The following MEF2C variants were observed in gnomAD, a reference collection of about 807,000 sequenced individuals.
The protein encoded by MEF2C is myocyte-specific enhancer factor 2C.
In MEF2C, 6 loss-of-function variants were observed where a neutral mutation model predicts 50.5. The ratio of observed to expected loss-of-function variants is 0.12; its 90% CI spans 0.07 to 0.23. The LOEUF is 0.23. MEF2C is among the 10% of genes least tolerant of loss of function. MEF2C has a pLI of 1.00. For missense variants in MEF2C, 276 were observed against 605.0 expected, an observed-to-expected ratio of 0.46 and a Z score of 5.70; for synonymous variants, 183 against 228.0, an observed-to-expected ratio of 0.80 and a Z score of 1.78.
At chr5:88,816,286 A>G (rs1206997014) in intron 2 of MEF2C, among the ~76,000 whole-genome samples, 1 of 152,046 alleles carries the variant, frequency 6.6e-6, no homozygotes, top group Non-Finnish European at 1.5e-5. Context: ...TGACATAAAT[A>G]TAAAATATCA....
intron 3 of MEF2C, among the ~76,000 whole-genome samples, chr5:88,779,004 C>T (rs992026902): frequency 6.6e-6 from 1 of 152,190 alleles, no homozygotes; most frequent in African/African-American, 2.4e-5. Flanking sequence ...TTTCCCACAG[C>T]CGGGCCAATA....
intron 1 of MEF2C, among the ~76,000 whole-genome samples, chr5:88,900,984 G>A (rs1297359694): frequency 1.3e-5 from 2 of 152,030 alleles, no homozygotes; most frequent in Admixed American, 6.6e-5. Flanking sequence ...TAAAAGAAAT[G>A]TGTGGGCATC....
In MEF2C at chr5:88,725,869, A is replaced by G. The variant is rs951458975; in HGVS notation, c.1100+2624T>C. On this transcript the variant is annotated intron_variant, in intron 10 of 10. Transcript: ENST00000504921. ...AAAGTTGACGTATGGAAATGCTTCC[A>G]GAAAACAGGCTGCCCTTTTTATAGG... 1.6e-4 allele frequency among the ~76,000 whole-genome samples: 25 copies of G among 152,180 alleles called. 4 individuals are homozygous for G. The highest frequency in any genetic ancestry group is 1.3e-3 in the Admixed American group (20 of 15,270).
chr5:88,766,453 A>G (rs1024591799), intron 3 of MEF2C, among the ~76,000 whole-genome samples: 1 of 152,352 alleles, frequency 6.6e-6, no homozygotes, highest in East Asian at 1.9e-4. Flanking sequence ...GTAAAAAGAA[A>G]TAAGTAAATT....
In MEF2C at chr5:88,744,032, T is replaced by C. The variant is rs554878722; in HGVS notation, c.637+5038A>G. 4 of 969,488 alleles carry C rather than the reference T, an allele frequency of 4.1e-6. No individual in the cohort carries two copies. The South Asian group carries it at 1.9e-4, about 46-fold the overall frequency. 60.1% of individuals were successfully genotyped at this position (969,488 alleles called of 1,614,324 possible). On this transcript the variant is annotated intron_variant, in intron 6 of 10. Coordinates refer to ENST00000504921, the MANE Select transcript of MEF2C (RefSeq NM_002397.5). The stretch of plus-strand genomic sequence containing the variant: ...AAAGGTTTTTCATTTCTTTTTTCTC[T>C]TTTTTTGATCTCAACTATGAATCAA...
At chr5:88,836,037 C>T (rs1358197544) in intron 1 of MEF2C, among the ~76,000 whole-genome samples, 1 of 151,962 alleles carries the variant, frequency 6.6e-6, no homozygotes, top group African/African-American at 2.4e-5. Context: ...AGATTTGATT[C>T]TCTATTCCAA....
chr5:88,850,190 G>T (rs1303091323), intron 1 of MEF2C, among the ~76,000 whole-genome samples: 2 of 151,956 alleles, frequency 1.3e-5, no homozygotes, highest in South Asian at 2.1e-4. Context: ...GCAGTGTTTG[G>T]TTTTTTGTCC....
intron 6 of MEF2C, chr5:88,738,773 T>C: frequency 1.0e-6 from 1 of 985,360 alleles, no homozygotes; most frequent in Middle Eastern, 5.2e-4. Flanking sequence ...TGTTGTAAGG[T>C]CAACTTGGGC....
chr5:88,902,069 C>T lies in MEF2C; in HGVS notation c.-240+1847G>A, dbSNP rs1835718729. Among the ~76,000 whole-genome samples the T allele has an allele frequency of 2.0e-5, 3 of 151,772 alleles. No individual in the cohort carries two copies. In the South Asian group the frequency reaches 6.2e-4, roughly 32 times the overall value. The stretch of plus-strand genomic sequence containing the variant: ...TACAATTCTGAAGTTGACATAAGAA[C>T]ACATGTTGTTCAGTTTTGCAGTAAC... On this transcript the variant is annotated intron_variant, in intron 1 of 11. Transcript: ENST00000340208.
chr5:88,862,026 C>A (rs1196763144), intron 1 of MEF2C, among the ~76,000 whole-genome samples: 1 of 152,172 alleles, frequency 6.6e-6, no homozygotes, highest in Non-Finnish European at 1.5e-5. Flanking sequence ...CCCAGTTCTT[C>A]CACCTCCCTC....
intron 1 of MEF2C, among the ~76,000 whole-genome samples, chr5:88,866,185 C>T (rs1049418324): frequency 6.6e-6 from 1 of 152,174 alleles, no homozygotes; most frequent in Admixed American, 6.5e-5. Flanking sequence ...AGTGAGCCAC[C>T]GCGCCCGGCC....
chr5:88,723,473 A>G (rs1323056666), intron 10 of MEF2C, among the ~76,000 whole-genome samples: 3 of 152,278 alleles, frequency 2.0e-5, no homozygotes, highest in Non-Finnish European at 4.4e-5. Flanking sequence ...TTAAATGACT[A>G]GAACTCAAAT....
At chr5:88,737,817 T>G in intron 6 of MEF2C, 1 of 985,418 alleles carries the variant, frequency 1.0e-6, no homozygotes, top group Non-Finnish European at 1.2e-6. Context: ...TCTAAGATTA[T>G]GTTAACTTTA....
At chr5:88,780,670 A>G (rs1787524502) in intron 3 of MEF2C, 2 of 768,420 alleles carry the variant, frequency 2.6e-6, no homozygotes, top group South Asian at 1.2e-4. Flanking sequence ...TGCACAACAT[A>G]TATATTTCAC....
chr5:88,752,189 A>T, intron 4 of MEF2C, 146 bp from the exon 5 acceptor site: 1 of 616,276 alleles, frequency 1.6e-6, no homozygotes, highest in Non-Finnish European at 2.6e-6. Context: ...AGCTCTCAAG[A>T]CGTTCAGATC....
chr5:88,846,217 G>A (rs1341100890), intron 1 of MEF2C, among the ~76,000 whole-genome samples: 2 of 151,940 alleles, frequency 1.3e-5, no homozygotes, highest in Non-Finnish European at 1.5e-5. Flanking sequence ...ACGGGTGCCC[G>A]CCACCACGCC....
intron 1 of MEF2C, among the ~76,000 whole-genome samples, chr5:88,879,163 G>A (rs1222661424): frequency 6.6e-6 from 1 of 151,898 alleles, no homozygotes; most frequent in Non-Finnish European, 1.5e-5. Context: ...TGACTCATTA[G>A]TGTTTTATTG....
In MEF2C at chr5:88,743,967, G is replaced by A. The variant is rs1768109085; in HGVS notation, c.637+5103C>T. 3 of 939,306 alleles carry A rather than the reference G, an allele frequency of 3.2e-6. No homozygotes were observed. In the African/African-American group the frequency reaches 5.3e-5, roughly 17 times the overall value. 58.2% of individuals were successfully genotyped at this position (939,306 alleles called of 1,614,324 possible). A position where few individuals can be genotyped will look rare whatever the true frequency, so the allele number is the denominator to read the frequency against. On this transcript the variant is annotated intron_variant, in intron 6 of 10. Transcript: ENST00000504921. ...CTTTGCCTTACTGTCAAATAGCTAT[G>A]TAGATTGTAAAATTATCTTAAATGT...
chr5:88,794,333 C>G (rs964150436), intron 3 of MEF2C, among the ~76,000 whole-genome samples: 1 of 152,184 alleles, frequency 6.6e-6, no homozygotes, highest in African/African-American at 2.4e-5. Context: ...TAATGATCAC[C>G]ATTCTAACTG....
Sources: allele counts gnomAD v4.1 joint callset (sites outside exome capture counted in the v4.1 genomes callset), GRCh38; gene constraint gnomAD v4.1.1; transcripts MANE v1.5; gene names NCBI Gene and HGNC (gene_info 2026-07-23, HGNC 2026-07-21).